The following SFXN5 variants were observed in gnomAD, a reference collection of about 807,000 sequenced individuals.
SFXN5 encodes the protein sideroflexin 5, also known as sideroflexin-5.
A neutral mutation model predicts 50.2 loss-of-function variants in SFXN5; 43 were observed. That is an observed-to-expected ratio of 0.86 (90% CI 0.67 to 1.11). The LOEUF (loss-of-function observed/expected upper bound fraction) is 1.11. Ranked by LOEUF, SFXN5 falls within the 50% of genes least tolerant of loss-of-function variation. The pLI is 0.00. For synonymous variants in SFXN5, 203 were observed against 185.8 expected (o/e 1.09, Z -0.75); for missense variants, 463 against 454.1 (o/e 1.02, Z -0.18).
chr2:73,037,934 G>C (rs891139363), intron 3 of SFXN5, among the ~76,000 whole-genome samples: 13 of 152,202 alleles, frequency 8.5e-5, no homozygotes, highest in Non-Finnish European at 1.5e-4. Context: ...CTGGAACTCG[G>C]AGGTAGGCCC....
At chr2:72,967,683 G>A (rs1674594307) in intron 12 of SFXN5, among the ~76,000 whole-genome samples, 1 of 152,222 alleles carries the variant, frequency 6.6e-6, no homozygotes, top group Non-Finnish European at 1.5e-5. Context: ...TGTCCCCATA[G>A]GGTAGGGTCT....
At chr2:73,056,123 G>A (rs1032828592) in intron 2 of SFXN5, among the ~76,000 whole-genome samples, 6 of 151,622 alleles carry the variant, frequency 4.0e-5, no homozygotes, top group African/African-American at 1.5e-4. Context: ...GGGCAACAGA[G>A]CAAGACCTTA....
chr2:73,042,204 G>A (rs780002551), intron 2 of SFXN5, among the ~76,000 whole-genome samples: 7 of 152,170 alleles, frequency 4.6e-5, no homozygotes, highest in Non-Finnish European at 1.0e-4. Flanking sequence ...CAAAAGACTT[G>A]TATAAGAATG....
chr2:73,066,891 T>C (rs1448982051), intron 1 of SFXN5, among the ~76,000 whole-genome samples: 1 of 151,086 alleles, frequency 6.6e-6, no homozygotes, highest in East Asian at 2.0e-4. Context: ...AAACAAAAAA[T>C]ACATATAGCC....
rs1041493950 is a variant in SFXN5 at position 72,953,987 on chromosome 2, C to T, written c.945+7144G>A. Among the ~76,000 whole-genome samples, 6 of 152,118 alleles carry T rather than the reference C, an allele frequency of 3.9e-5. No homozygotes were observed. The highest frequency in any genetic ancestry group is 1.2e-4 in the African/African-American group (5 of 41,402). ...TTGCCCATACAGGGAGGGTATGCCT[C>T]TCTGTTTCTTAACCCTGAAAGCTGT... On this transcript the variant is annotated intron_variant, in intron 13 of 13. Transcript: ENST00000272433. The surrounding 1 kb of genome is among the most constrained non-coding windows in gnomAD (Gnocchi z 4.1).
At chr2:73,000,558 G>A in intron 7 of SFXN5, 71 bp from the exon 8 acceptor site, 1 of 1,436,708 alleles carries the variant, frequency 7.0e-7, no homozygotes, top group East Asian at 2.5e-5. Flanking sequence ...TGGACCCCAG[G>A]AGGCCACACA....
chr2:73,034,508 G>A (rs1473611140), intron 3 of SFXN5, among the ~76,000 whole-genome samples: 1 of 152,184 alleles, frequency 6.6e-6, no homozygotes, highest in Non-Finnish European at 1.5e-5. Flanking sequence ...TTTCTCCTAG[G>A]CAGGTCGCAG....
intron 6 of SFXN5, among the ~76,000 whole-genome samples, chr2:73,013,377 C>A (rs969367342): frequency 1.3e-5 from 2 of 150,038 alleles, no homozygotes; most frequent in Non-Finnish European, 1.5e-5. Context: ...AAATTCAAGG[C>A]AAGAATAATC....
At chr2:73,071,427 C>T in intron 1 of SFXN5, 177 bp downstream of exon 1, 1 of 600,912 alleles carries the variant, frequency 1.7e-6, no homozygotes, top group Non-Finnish European at 2.9e-6. Flanking sequence ...GAGTCCGCGC[C>T]CGCCCCGTTG....
At chr2:73,041,171 A>G (rs1355327087) in intron 2 of SFXN5, among the ~76,000 whole-genome samples, 9 of 152,228 alleles carry the variant, frequency 5.9e-5, no homozygotes, top group African/African-American at 1.9e-4. Context: ...TATTTTGTTG[A>G]GTGAAAAAGC....
chr2:72,980,809 TG>T (rs1225874135), intron 10 of SFXN5, among the ~76,000 whole-genome samples: 1 of 152,128 alleles, frequency 6.6e-6, no homozygotes, highest in Non-Finnish European at 1.5e-5. Flanking sequence ...TGCCCTCCTC[TG>T]TTCCCCAGCA....
chr2:73,043,363 G>A (rs1417585431), intron 2 of SFXN5, among the ~76,000 whole-genome samples: 1 of 152,236 alleles, frequency 6.6e-6, no homozygotes, highest in Non-Finnish European at 1.5e-5. Context: ...CTGCCAGAGT[G>A]GGAAATGAAC....
At chr2:72,995,531 A>AGAG (rs957915320) in intron 9 of SFXN5, among the ~76,000 whole-genome samples, 4 of 152,104 alleles carry the variant, frequency 2.6e-5, no homozygotes, top group African/African-American at 9.7e-5. Context: ...CAGGGCCCCC[A>AGAG]GAGGAGGCTG....
chr2:72,995,507 G>A (rs2105641375), intron 9 of SFXN5, among the ~76,000 whole-genome samples: 1 of 152,222 alleles, frequency 6.6e-6, no homozygotes, highest in East Asian at 2.0e-4. Context: ...CTCTGAGTGG[G>A]GCAGGGAGCT....
intron 6 of SFXN5, among the ~76,000 whole-genome samples, chr2:73,004,309 G>GCACACACA (rs1491479338): frequency 6.7e-5 from 6 of 89,514 alleles, no homozygotes; most frequent in African/African-American, 3.4e-4. Context: ...AGGAATGAGT[G>GCACACACA]CGCGCGCACA....
intron 13 of SFXN5, chr2:72,956,984 T>G: frequency 2.2e-6 from 1 of 456,618 alleles, no homozygotes; most frequent in South Asian, 1.5e-5. Flanking sequence ...ACTCACCCAC[T>G]CTGGAGACAG....
chr2:73,028,775 T>G (rs1431314491), intron 3 of SFXN5, among the ~76,000 whole-genome samples: 2 of 152,170 alleles, frequency 1.3e-5, no homozygotes, highest in Non-Finnish European at 2.9e-5. Flanking sequence ...AAAGAAATTC[T>G]GAGGAAAGGA....
At chr2:73,038,534 T>C (rs1045063014) in intron 3 of SFXN5, among the ~76,000 whole-genome samples, 1 of 152,012 alleles carries the variant, frequency 6.6e-6, no homozygotes, top group Admixed American at 6.6e-5. Flanking sequence ...GAGGCTGAGG[T>C]GGGAGGAACA....
Position 72,988,498 on chromosome 2 carries a change from C to G in SFXN5, c.535-150G>C, listed in dbSNP as rs201724477. 277 of 704,274 alleles carry G rather than the reference C, an allele frequency of 3.9e-4. 3 individuals carry two copies. In the East Asian group the frequency reaches 7.4e-3, roughly 19 times the overall value. 43.6% of individuals were successfully genotyped at this position (704,274 alleles called of 1,614,324 possible). ...TCACACCCCTAATCCTCAGCGTCAC[C>G]TGAGGTTGCAGAGCTCCAGCGTCGC... On this transcript the variant is annotated intron_variant, in intron 9 of 13. Transcript: ENST00000272433.
Sources: gnomAD v4.1 joint callset for allele counts (sites outside exome capture counted in the v4.1 genomes callset) on GRCh38, gnomAD v4.1.1 for gene constraint, Gnocchi (gnomAD v3.1) non-coding constraint, MANE v1.5 for transcripts, NCBI Gene and HGNC (gene_info 2026-07-23, HGNC 2026-07-21) for gene names.